The following STING1 variants were observed in gnomAD, a reference collection of about 807,000 sequenced individuals.
The protein encoded by STING1 is stimulator of interferon response cGAMP interactor 1.
STING1 carries 19 observed loss-of-function variants against 31.6 expected under a neutral mutation model. That is an observed-to-expected ratio of 0.60 (90% confidence interval 0.42 to 0.88). The LOEUF is 0.88. Among genes scored for constraint, STING1 ranks in the 40% least tolerant of loss-of-function variants. The pLI, the probability that STING1 is intolerant of heterozygous loss-of-function variation, is 0.00. For missense variants in STING1, 371 were observed against 483.7 expected, an observed-to-expected ratio of 0.77 and a Z score of 2.19; for synonymous variants, 200 against 208.6, an observed-to-expected ratio of 0.96 and a Z score of 0.35.
At position 139,480,849 on chromosome 5, in the gene STING1, T is replaced by G; in HGVS notation, c.461A>C (p.Asn154Thr). 1 of 1,614,024 alleles carries G rather than the reference T, an allele frequency of 6.2e-7. No homozygotes were observed. Among genetic ancestry groups the G allele is most frequent in the Non-Finnish European group, 8.5e-7 (1 of 1,179,978 alleles). Residue 154 changes from asparagine (N) to threonine (T), a missense_variant, in exon 5 of 8, where the codon AAC becomes ACC. Asn to Thr is a moderately conservative substitution (Grantham distance 65, BLOSUM62 0). Transcript: ENST00000330794. ...TGACCATGCCAGCCCATGGGCCACG[T>G]TGAAATTCCCTTTTTCACACACTGC... ...ISAVCEKGNF[N>T]VAHGLAWSYY... is the part of the protein sequence containing the mutation.
chr5:139,480,510 A>G (rs772868459), intron 5 of STING1, among the ~76,000 whole-genome samples: 2 of 152,094 alleles, frequency 1.3e-5, no homozygotes, highest in Non-Finnish European at 2.9e-5. Flanking sequence ...GTACCACTGC[A>G]CTCTAGCCTG....
At position 139,481,205 on chromosome 5, in the gene STING1, G is replaced by A; in HGVS notation, c.365C>T (p.Ala122Val). 2 of 1,614,212 alleles carry A rather than the reference G, an allele frequency of 1.2e-6. No individual in the cohort carries two copies. Reference sequence around the variant, plus strand: ...CAGTGCCTGCGAGAGGCCCAGGAGGGCAAGCATCCAAGTGAAGGGCGGGCC... The same window carrying A: ...CAGTGCCTGCGAGAGGCCCAGGAGGACAAGCATCCAAGTGAAGGGCGGGCC... ...AVGPPFTWML[A>V]LLGLSQALNI... The change falls in exon 4 of 8, where the codon GCC becomes GTC. Residue 122 changes from alanine to valine, a missense_variant. Transcript: ENST00000330794. This position sits in a 1 kb window ranked among gnomAD's most constrained non-coding sequence, Gnocchi z 4.1.
At position 139,481,293 on chromosome 5, in the gene STING1, G is replaced by C; in HGVS notation, c.277C>G (p.Leu93Val). Residue 93 changes from leucine (L) to valine (V), a missense_variant, in exon 4 of 8, where the codon CTC becomes GTC. Leu to Val is a conservative substitution (Grantham distance 32, BLOSUM62 1). Coordinates refer to ENST00000330794, the MANE Select transcript of STING1 (RefSeq NM_198282.4). The surrounding 1 kb of genome is among the most constrained non-coding windows in gnomAD (Gnocchi z 4.1). ...RTVRACLGCPLRRGALLLLSI... is the reference protein window; with the variant it reads ...RTVRACLGCPVRRGALLLLSI... ...AGCAGCAACAGGGCCCCACGGCGGA[G>C]GGGGCAGCCCAGGCAGGCCCGCACA... 1 of 1,612,214 alleles carries C rather than the reference G, an allele frequency of 6.2e-7. No individual in the cohort carries two copies. The highest frequency in any genetic ancestry group is 8.5e-7 in the Non-Finnish European group (1 of 1,179,092).
rs1310490983 is a variant in STING1, at chr5:139,477,381, G to T, written c.894C>A (p.Ile298=). 6.2e-7 allele frequency: 1 copy of T among 1,614,186 alleles called. No individual in the cohort carries two copies. The part of the protein sequence containing the change: ...AKLFCRTLED[I]LADAPESQNN... ...TCTGAGACTCAGGGGCATCTGCCAG[G>T]ATGTCCTCAAGTGTCCGGCAGAAGA... The change falls in exon 7 of 8, where the codon ATC becomes ATA. Residue 298 remains isoleucine, a synonymous_variant. Transcript: ENST00000330794.
chr5:139,477,643 A>C (rs898621943), intron 6 of STING1, 128 bp from the exon 7 acceptor site: 2 of 965,198 alleles, frequency 2.1e-6, no homozygotes, highest in African/African-American at 3.3e-5. Flanking sequence ...GTAACGATAG[A>C]GTCCTGGGAG....
intron 7 of STING1, 24 bp from the exon 8 acceptor site, chr5:139,476,478 G>C: frequency 6.2e-7 from 1 of 1,606,120 alleles, no homozygotes. Context: ...ATAGGGGAGA[G>C]AGTAATGAGG....
At position 139,476,188 on chromosome 5, in the gene STING1, T is replaced by C. The variant is rs1360440012; in HGVS notation, c.*73A>G. The C allele has an allele frequency of 8.2e-7, 1 of 1,223,724 alleles. No individual in the cohort carries two copies. The highest frequency in any genetic ancestry group is 1.5e-5 in the African/African-American group (1 of 65,618). The allele number at this position is 1,223,724 out of a possible 1,614,324, so 75.8% of individuals were successfully genotyped here. ...GGAAGGAAATAGCTCTGCTGGACAT[T>C]CAGCCACTGAAGAGAGCCCCCAGTC... On this transcript the variant is annotated 3_prime_UTR_variant, in exon 8 of 8. Transcript: ENST00000330794.
At chr5:139,476,516 C>A in intron 7 of STING1, 62 bp from the exon 8 acceptor site, 7 of 1,494,982 alleles carry the variant, frequency 4.7e-6, no homozygotes, top group Non-Finnish European at 6.4e-6. Flanking sequence ...TCAAACATAC[C>A]TAGAGAACTT....
In STING1 at chr5:139,481,105, A is replaced by T. The variant is rs913571153; in HGVS notation, c.411+54T>A. The T allele has an allele frequency of 1.9e-6, 3 of 1,566,130 alleles. No individual in the cohort carries two copies. Among genetic ancestry groups the T allele is most frequent in the Non-Finnish European group, 2.6e-6 (3 of 1,137,724 alleles). ...CCCAGTACTCAGCTCAGGGCAGGTC[A>T]CACCAGCCACAGCCACCACTTGGCC... On this transcript the variant is annotated intron_variant, in intron 4 of 7. Transcript: ENST00000330794. This position sits in a 1 kb window ranked among gnomAD's most constrained non-coding sequence, Gnocchi z 4.1.
chr5:139,480,426 A>T (rs912833317), intron 5 of STING1, among the ~76,000 whole-genome samples: 5 of 152,276 alleles, frequency 3.3e-5, no homozygotes, highest in Non-Finnish European at 7.4e-5. Context: ...GGTGCCTATA[A>T]TCCCAGCTAC....
chr5:139,476,854 G>A lies in STING1; in HGVS notation c.947-400C>T, dbSNP rs949771279. Among the ~76,000 whole-genome samples, 11 of 139,206 alleles carry A rather than the reference G, an allele frequency of 7.9e-5. No individual in the cohort carries two copies. The East Asian group carries it at 2.1e-3, about 27-fold the overall frequency. 91.3% of individuals were successfully genotyped at this position (139,206 alleles called of 152,430 possible). On this transcript the variant is annotated intron_variant, in intron 7 of 7. Coordinates refer to ENST00000330794, the MANE Select transcript of STING1 (RefSeq NM_198282.4). ...CGGGAGGTGGAGGTTGCAGTGACCC[G>A]AAATCGAGCCACTTCACTCCAGCCT... is the stretch of plus-strand genomic sequence containing the variant.
chr5:139,478,853 T>C, intron 5 of STING1: 1 of 270,602 alleles, frequency 3.7e-6, no homozygotes, highest in Non-Finnish European at 7.3e-6. Context: ...TAGCCCCAGA[T>C]CAGTCTCCTA....
In STING1 at chr5:139,476,001, A is replaced by T. The variant is rs1561481664; in HGVS notation, c.*260T>A. The T allele has an allele frequency of 2.4e-6, 1 of 417,098 alleles. No individual in the cohort carries two copies. The highest frequency in any genetic ancestry group is 2.0e-5 in the African/African-American group (1 of 50,716). 25.8% of individuals were successfully genotyped at this position (417,098 alleles called of 1,614,324 possible). A position where few individuals can be genotyped will look rare whatever the true frequency, so the allele number is the denominator to read the frequency against. On this transcript the variant is annotated 3_prime_UTR_variant, in exon 8 of 8. Coordinates refer to ENST00000330794, the MANE Select transcript of STING1 (RefSeq NM_198282.4). ...CAAAGTTTATGAAAAACTTCCACAC[A>T]CTCAGTCCTCACAACAACCGTGAGG...
intron 6 of STING1, among the ~76,000 whole-genome samples, 154 bp from the exon 7 acceptor site, chr5:139,477,669 G>T (rs1023101598): frequency 4.6e-5 from 7 of 152,142 alleles, no homozygotes; most frequent in Non-Finnish European, 1.0e-4. Flanking sequence ...CACCCTAATG[G>T]GGTCTATGCT....
At chr5:139,482,016 C>T (rs2152094586) in intron 2 of STING1, 194 bp downstream of exon 2, 1 of 287,526 alleles carries the variant, frequency 3.5e-6, no homozygotes, top group South Asian at 8.1e-5. Flanking sequence ...CTGTCCTGTG[C>T]AGCCGTACCC....
chr5:139,480,767 T>C, intron 5 of STING1, 23 bp downstream of exon 5: 2 of 1,474,920 alleles, frequency 1.4e-6, no homozygotes, highest in Non-Finnish European at 1.9e-6. Context: ...GATCGAGAAA[T>C]GGGGGCAGAG....
rs763335050 is a variant in STING1 at position 139,477,347 on chromosome 5, G to A, written c.928C>T (p.Arg310Cys). 1.8e-5 allele frequency: 29 copies of A among 1,613,848 alleles called. 1 individual carries two copies. The highest frequency in any genetic ancestry group is 8.8e-5 in the South Asian group (8 of 91,068). ...ADAPESQNNCRLIAYQEPADD... is the reference protein window; with the variant it reads ...ADAPESQNNCCLIAYQEPADD... Reference sequence around the variant, plus strand: ...CCCTCACCCTGGTAGGCAATGAGGCGGCAGTTGTTCTGAGACTCAGGGGCA... The same window carrying A: ...CCCTCACCCTGGTAGGCAATGAGGCAGCAGTTGTTCTGAGACTCAGGGGCA... The change falls in exon 7 of 8, where the codon CGC becomes TGC. Residue 310 changes from arginine to cysteine, a missense_variant. Transcript: ENST00000330794.
chr5:139,481,089 C>T lies in STING1; in HGVS notation c.411+70G>A. On this transcript the variant is annotated intron_variant, in intron 4 of 7. Coordinates refer to ENST00000330794, the MANE Select transcript of STING1 (RefSeq NM_198282.4). The surrounding 1 kb of genome is among the most constrained non-coding windows in gnomAD (Gnocchi z 4.1). The stretch of plus-strand genomic sequence containing the variant: ...TTAAACCAGTCCCACTCCCAGTACT[C>T]AGCTCAGGGCAGGTCACACCAGCCA... The T allele has an allele frequency of 6.7e-7, 1 of 1,493,452 alleles. No individual in the cohort carries two copies. Among genetic ancestry groups the T allele is most frequent in the Non-Finnish European group, 9.3e-7 (1 of 1,072,650 alleles). The allele number at this position is 1,493,452 out of a possible 1,614,324, so 92.5% of individuals were successfully genotyped here.
intron 5 of STING1, chr5:139,479,233 AAACAACAAC>A (rs79292081): frequency 0.075 from 11,127 of 147,392 alleles, 464 homozygotes; most frequent in Middle Eastern, 0.11. Flanking sequence ...CTTCATCTCA[AAACAACAAC>A]AACAACAACA....
Sources: gnomAD v4.1 joint callset for allele counts (sites outside exome capture counted in the v4.1 genomes callset) on GRCh38, gnomAD v4.1.1 for gene constraint, Gnocchi (gnomAD v3.1) non-coding constraint, MANE v1.5 for transcripts, NCBI Gene and HGNC (gene_info 2026-07-23, HGNC 2026-07-21) for gene names.